GRIP1: variants seen among roughly 807,000 people sequenced by gnomAD.
The protein encoded by GRIP1 is glutamate receptor-interacting protein 1.
Under a neutral mutation model 129.9 loss-of-function variants are expected in GRIP1, and 45 were observed. The ratio of observed to expected loss-of-function variants is 0.35; its 90% CI spans 0.27 to 0.44. The LOEUF (loss-of-function observed/expected upper bound fraction) is 0.44, where lower values mean the gene tolerates loss of function less well. Among genes scored for constraint, GRIP1 ranks in the 20% least tolerant of loss-of-function variants. GRIP1 has a pLI of 1.00. For missense variants in GRIP1, 1,196 were observed against 1,396.8 expected, an observed-to-expected ratio of 0.86 and a Z score of 2.29; for synonymous variants, 530 against 520.8, an observed-to-expected ratio of 1.02 and a Z score of -0.24.
At chr12:67,050,567 G>A (rs189167863) in intron 1 of GRIP1, among the ~76,000 whole-genome samples, 11 of 148,122 alleles carry the variant, frequency 7.4e-5, no homozygotes, top group African/African-American at 2.4e-4. Flanking sequence ...ACTACAGAAC[G>A]GCAGAGAAAA....
At chr12:66,393,682 G>A (rs1223598261) in intron 17 of GRIP1, among the ~76,000 whole-genome samples, 1 of 152,170 alleles carries the variant, frequency 6.6e-6, no homozygotes, top group East Asian at 1.9e-4. Flanking sequence ...AGGGTGGGGA[G>A]TGGGTGTGTG....
intron 7 of GRIP1, among the ~76,000 whole-genome samples, chr12:66,504,717 G>A (rs998248553): frequency 6.6e-5 from 10 of 152,130 alleles, no homozygotes; most frequent in Non-Finnish European, 1.2e-4. Flanking sequence ...CATATATAAT[G>A]TACATAGTTT....
intron 1 of GRIP1, among the ~76,000 whole-genome samples, chr12:66,884,474 C>T (rs560795058): frequency 6.6e-6 from 1 of 152,136 alleles, no homozygotes; most frequent in Non-Finnish European, 1.5e-5. Flanking sequence ...AATTGTAATA[C>T]GCACGAACAG....
intron 1 of GRIP1, among the ~76,000 whole-genome samples, chr12:66,646,465 A>C (rs530976034): frequency 6.6e-6 from 1 of 152,310 alleles, no homozygotes; most frequent in South Asian, 2.1e-4. Flanking sequence ...CTCTATGAAA[A>C]ATACAAAAAT....
At chr12:67,057,436 TAAAA>T (rs71088237) in intron 1 of GRIP1, among the ~76,000 whole-genome samples, 1 of 126,818 alleles carries the variant, frequency 7.9e-6, no homozygotes, top group Non-Finnish European at 1.6e-5. Context: ...TCCAAGAACG[TAAAA>T]AAAAAAAAAA....
chr12:66,517,500 G>A (rs765062244), intron 6 of GRIP1, among the ~76,000 whole-genome samples: 1 of 152,110 alleles, frequency 6.6e-6, no homozygotes, highest in Admixed American at 6.6e-5. Flanking sequence ...TGTCCAGGCT[G>A]GGAGATTAGC....
chr12:66,840,863 T>C (rs1370753293), intron 1 of GRIP1, among the ~76,000 whole-genome samples: 2 of 152,156 alleles, frequency 1.3e-5, no homozygotes, highest in Non-Finnish European at 2.9e-5. Flanking sequence ...CCTCTTTTTG[T>C]TTTTAAAGGG....
chr12:66,922,920 T>C (rs1216413027), intron 1 of GRIP1, among the ~76,000 whole-genome samples: 9 of 152,208 alleles, frequency 5.9e-5, no homozygotes, highest in Non-Finnish European at 5.9e-5. Flanking sequence ...GAATGCACTA[T>C]ACATTAAACA....
intron 1 of GRIP1, among the ~76,000 whole-genome samples, chr12:66,978,999 T>C (rs964187765): frequency 3.3e-5 from 5 of 152,090 alleles, no homozygotes; most frequent in East Asian, 1.9e-4. Flanking sequence ...TCCAGCAGCA[T>C]GCCTCAGTCT....
At chr12:66,682,212 A>G (rs768442537), upstream of GRIP1, among the ~76,000 whole-genome samples, 16 of 152,140 alleles carry the variant, frequency 1.1e-4, no homozygotes, top group Non-Finnish European at 1.8e-4. Flanking sequence ...TGACAGAGGG[A>G]AAAACTAGTG....
intron 1 of GRIP1, chr12:67,068,947 G>T (rs2043686052): frequency 5.1e-6 from 2 of 394,014 alleles, no homozygotes; most frequent in Non-Finnish European, 6.6e-6. Flanking sequence ...CCCCTCCCCC[G>T]TCGGCGGGTG....
intron 1 of GRIP1, among the ~76,000 whole-genome samples, chr12:66,758,126 C>T (rs901274327): frequency 2.0e-5 from 3 of 152,036 alleles, no homozygotes; most frequent in African/African-American, 4.8e-5. Context: ...TGTATTAGTT[C>T]GTTTTCATGC....
chr12:66,665,319 T>C (rs1421258819), intron 1 of GRIP1, among the ~76,000 whole-genome samples: 1 of 152,190 alleles, frequency 6.6e-6, no homozygotes, highest in Non-Finnish European at 1.5e-5. Flanking sequence ...AAATAAACTT[T>C]TTATTACAAT....
chr12:66,541,142 C>T (rs1022501643), intron 3 of GRIP1, among the ~76,000 whole-genome samples: 4 of 152,144 alleles, frequency 2.6e-5, no homozygotes, highest in Non-Finnish European at 5.9e-5. Context: ...ACCTGATCTT[C>T]TGTCCCCTTT....
rs956312443 is a variant in GRIP1, at chr12:66,451,395, T to G, written c.1354+4014A>C. On this transcript the variant is annotated intron_variant, in intron 11 of 24. Transcript: ENST00000359742. ...ATTATTATAATCTGTTTTTTTTTTTTTTTTTTTTTTTTTTTTTTTTTTTTT... is the reference window on the plus strand; with the variant it reads ...ATTATTATAATCTGTTTTTTTTTTTGTTTTTTTTTTTTTTTTTTTTTTTTT... Among the ~76,000 whole-genome samples, 27 of 56,834 alleles carry G rather than the reference T, an allele frequency of 4.8e-4. 3 individuals carry two copies. Among genetic ancestry groups the G allele is most frequent in the South Asian group, 1.7e-3 (2 of 1,184 alleles). 37.3% of individuals were successfully genotyped at this position (56,834 alleles called of 152,430 possible). A position where few individuals can be genotyped will look rare whatever the true frequency, so the allele number is the denominator to read the frequency against.
intron 7 of GRIP1, among the ~76,000 whole-genome samples, chr12:66,488,073 G>T (rs1295455864): frequency 1.3e-5 from 2 of 152,168 alleles, no homozygotes; most frequent in African/African-American, 4.8e-5. Context: ...AGATCATTGA[G>T]ATAGAAAATT....
chr12:66,580,835 A>G (rs2063347238), intron 2 of GRIP1, among the ~76,000 whole-genome samples: 1 of 151,734 alleles, frequency 6.6e-6, no homozygotes, highest in Non-Finnish European at 1.5e-5. Context: ...CACTGTCAAC[A>G]TTAGACAGAT....
intron 1 of GRIP1, among the ~76,000 whole-genome samples, chr12:67,028,760 T>A (rs1056929312): frequency 6.6e-6 from 1 of 152,184 alleles, no homozygotes; most frequent in African/African-American, 2.4e-5. Flanking sequence ...GGTAACTGTA[T>A]ACTACAGTCC....
At chr12:66,505,439 A>T (rs977603288) in intron 7 of GRIP1, among the ~76,000 whole-genome samples, 7 of 152,202 alleles carry the variant, frequency 4.6e-5, no homozygotes, top group Non-Finnish European at 8.8e-5. Flanking sequence ...GACCTTACAG[A>T]TAAGAGCTTA....
Sources: allele counts gnomAD v4.1 joint callset (sites outside exome capture counted in the v4.1 genomes callset), GRCh38; gene constraint gnomAD v4.1.1; transcripts MANE v1.5; gene names NCBI Gene and HGNC (gene_info 2026-07-23, HGNC 2026-07-21).